Variants in PTBP3 observed in about 807,000 individuals in gnomAD.
PTBP3 encodes the protein polypyrimidine tract binding protein 3.
A neutral mutation model predicts 58.7 loss-of-function variants in PTBP3; 20 were observed. That is an observed-to-expected ratio of 0.34 (90% CI 0.24 to 0.50). PTBP3 has a LOEUF of 0.50. PTBP3 is among the 20% of genes least tolerant of loss of function. The pLI is 0.98. For missense variants in PTBP3, 509 were observed against 637.2 expected (o/e 0.80, Z 2.17); for synonymous variants, 185 against 219.8 (o/e 0.84, Z 1.40).
the PTBP3 span, among the ~76,000 whole-genome samples, chr9:112,340,436 A>T: frequency 6.6e-6 from 1 of 152,022 alleles, no homozygotes; most frequent in Non-Finnish European, 1.5e-5. Context: ...ATTCTCTCCA[A>T]TCATAGTTCA....
At position 112,250,991 on chromosome 9, in the gene PTBP3, C is replaced by T. The variant is rs771875399; in HGVS notation, c.740G>A (p.Arg247His). ...GCCATCACCAGTAGGAAGGTCTAAG[C>T]GAGTGAAGTCTCTGCTTTTGTCATT... ...YNNDKSRDFT[R>H]LDLPTGDGQP... The change falls in exon 7 of 14, where the codon CGC (arginine) becomes CAC (histidine). Residue 247 changes from arginine to histidine, a missense_variant. Physicochemically the swap from Arg to His is conservative, Grantham distance 29 (BLOSUM62 0). Coordinates refer to ENST00000374257, the MANE Select transcript of PTBP3 (RefSeq NM_001163788.4). The T allele has an allele frequency of 6.8e-6, 11 of 1,612,058 alleles. No homozygotes were observed. Among genetic ancestry groups the T allele is most frequent in the East Asian group, 2.2e-5 (1 of 44,796 alleles).
intron 1 of PTBP3, among the ~76,000 whole-genome samples, chr9:112,316,045 T>C (rs1468213371): frequency 1.3e-5 from 2 of 152,220 alleles, no homozygotes; most frequent in African/African-American, 2.4e-5. Flanking sequence ...TGCCAATACA[T>C]TGTTAACAAT....
chr9:112,245,293 C>A (rs557544374), intron 7 of PTBP3, among the ~76,000 whole-genome samples: 9 of 152,126 alleles, frequency 5.9e-5, no homozygotes, highest in Non-Finnish European at 7.4e-5. Flanking sequence ...CTGGGCAGAG[C>A]GAGACTCTGC....
the PTBP3 span, among the ~76,000 whole-genome samples, chr9:112,349,645 G>A: frequency 6.6e-6 from 1 of 151,892 alleles, no homozygotes; most frequent in Non-Finnish European, 1.5e-5. Context: ...GATCACCTGA[G>A]GTCAGGAGTT....
At chr9:112,330,566 C>A in intron 1 of PTBP3, 1 of 779,932 alleles carries the variant, frequency 1.3e-6, no homozygotes, top group Non-Finnish European at 2.1e-6. Flanking sequence ...GGGGAAAAAG[C>A]ATTATAATAA....
At chr9:112,364,177 CTTTTTTTTTT>C in the PTBP3 span, among the ~76,000 whole-genome samples, 6 of 73,502 alleles carry the variant, frequency 8.2e-5, no homozygotes, top group Admixed American at 6.8e-4. Flanking sequence ...TAGGTCAGTT[CTTTTTTTTTT>C]TTTTTTTTTT....
the PTBP3 span, among the ~76,000 whole-genome samples, chr9:112,353,226 C>G: frequency 6.6e-6 from 1 of 151,442 alleles, no homozygotes; most frequent in Non-Finnish European, 1.5e-5. Flanking sequence ...AATATTTTCA[C>G]TCTTCTCAAA....
chr9:112,342,837 C>T, the PTBP3 span, among the ~76,000 whole-genome samples: 1 of 131,958 alleles, frequency 7.6e-6, no homozygotes, highest in African/African-American at 2.8e-5. Context: ...GATCAAGGAC[C>T]AAACAATGAC....
chr9:112,300,707 A>G (rs952776179), intron 1 of PTBP3, among the ~76,000 whole-genome samples: 3 of 152,106 alleles, frequency 2.0e-5, no homozygotes, highest in Non-Finnish European at 4.4e-5. Context: ...AGCCGAGATC[A>G]CGCCACTGCA....
At chr9:112,235,681 A>G (rs1002707727) in intron 7 of PTBP3, among the ~76,000 whole-genome samples, 16 of 152,080 alleles carry the variant, frequency 1.1e-4, no homozygotes, top group African/African-American at 3.4e-4. Context: ...TATTGTAAGT[A>G]AACACATAAA....
chr9:112,375,081 CA>C, the PTBP3 span, among the ~76,000 whole-genome samples: 4 of 152,160 alleles, frequency 2.6e-5, no homozygotes, highest in Non-Finnish European at 5.9e-5. Flanking sequence ...TGGATGATGA[CA>C]GGGGTGGTTG....
intron 2 of PTBP3, among the ~76,000 whole-genome samples, chr9:112,282,984 G>C (rs1349236972): frequency 1.3e-5 from 2 of 152,122 alleles, no homozygotes; most frequent in Admixed American, 6.5e-5. Flanking sequence ...AAGTGTTTGA[G>C]AGTTTCTCAT....
the PTBP3 span, among the ~76,000 whole-genome samples, chr9:112,357,716 G>A: frequency 5.9e-5 from 9 of 151,944 alleles, no homozygotes; most frequent in African/African-American, 2.2e-4. Context: ...TATGTGTTGC[G>A]TTGAATTGTC....
chr9:112,223,772 G>T lies in PTBP3; in HGVS notation c.*79C>A, dbSNP rs1281810892. ...TATTTTTGTGAAAGAGGCAAAATTG[G>T]TCTTGAGCTGCTTCAGTCTATGTCT... On this transcript the variant is annotated 3_prime_UTR_variant, in exon 14 of 14. Transcript: ENST00000374257. The T allele has an allele frequency of 5.7e-6, 9 of 1,584,840 alleles. No homozygotes were observed. Among genetic ancestry groups the T allele is most frequent in the Non-Finnish European group, 6.9e-6 (8 of 1,165,828 alleles).
chr9:112,368,240 G>A, the PTBP3 span, among the ~76,000 whole-genome samples: 4 of 152,156 alleles, frequency 2.6e-5, no homozygotes, highest in African/African-American at 9.7e-5. Flanking sequence ...GTGCAACCTC[G>A]GCTCACTGCA....
the PTBP3 span, among the ~76,000 whole-genome samples, chr9:112,361,755 TTGCTCTTTTGAC>T: frequency 6.6e-6 from 1 of 152,114 alleles, no homozygotes; most frequent in Admixed American, 6.5e-5. Context: ...AAAAGTGGAA[TTGCTCTTTTGAC>T]TGTGGACATT....
At chr9:112,332,984 T>C (rs1830439330) in intron 1 of PTBP3, 4 of 1,320,124 alleles carry the variant, frequency 3.0e-6, no homozygotes, top group Middle Eastern at 2.8e-4. Flanking sequence ...CGCCCAGACG[T>C]GTACCGACGC....
chr9:112,305,940 AAAAAATAAAAAT>A (rs912419311), intron 1 of PTBP3, among the ~76,000 whole-genome samples: 6 of 152,074 alleles, frequency 3.9e-5, no homozygotes, highest in Non-Finnish European at 8.8e-5. Flanking sequence ...ACTCTGTCTC[AAAAAATAAAAAT>A]AAAAATAAAA....
intron 2 of PTBP3, among the ~76,000 whole-genome samples, chr9:112,292,313 C>A (rs1392137912): frequency 3.9e-5 from 6 of 152,108 alleles, no homozygotes; most frequent in Non-Finnish European, 5.9e-5. Flanking sequence ...AAAACTGAAA[C>A]CCCTGTGTAC....
Sources: gnomAD v4.1 joint callset for allele counts (sites outside exome capture counted in the v4.1 genomes callset) on GRCh38, gnomAD v4.1.1 for gene constraint, MANE v1.5 for transcripts, NCBI Gene and HGNC (gene_info 2026-07-23, HGNC 2026-07-21) for gene names.